GPC6: variants seen among roughly 807,000 people sequenced by gnomAD.
GPC6 encodes glypican 6, also known as glypican-6.
A neutral mutation model predicts 55.2 loss-of-function variants in GPC6; 14 were observed. The observed-to-expected ratio is 0.25, with a 90% CI of 0.17 to 0.40. The LOEUF is 0.40. Among genes scored for constraint, GPC6 ranks in the 10% least tolerant of loss-of-function variants. The pLI, the probability that GPC6 is intolerant of heterozygous loss-of-function variation, is 1.00. For synonymous variants in GPC6, 278 were observed against 259.6 expected, an observed-to-expected ratio of 1.07 and a Z score of -0.68; for missense variants, 641 against 708.5, an observed-to-expected ratio of 0.90 and a Z score of 1.08.
chr13:93,439,189 C>T (rs114020680), intron 1 of GPC6, among the ~76,000 whole-genome samples: 189 of 152,158 alleles, frequency 1.2e-3, no homozygotes, highest in African/African-American at 3.8e-3. Context: ...TTGTAATATT[C>T]GTTTTATTGC....
intron 4 of GPC6, among the ~76,000 whole-genome samples, chr13:94,175,194 G>A (rs1279397282): frequency 6.6e-6 from 1 of 152,096 alleles, no homozygotes. Flanking sequence ...ATTAGTCATT[G>A]CCTCTATTGC....
intron 1 of GPC6, among the ~76,000 whole-genome samples, chr13:93,451,814 G>T (rs1161258460): frequency 6.6e-6 from 1 of 152,162 alleles, no homozygotes; most frequent in African/African-American, 2.4e-5. Context: ...TTTATAAGCT[G>T]TGTCAGCCAC....
At chr13:94,044,607 G>A (rs1883658580) in intron 4 of GPC6, among the ~76,000 whole-genome samples, 1 of 151,834 alleles carries the variant, frequency 6.6e-6, no homozygotes, top group Admixed American at 6.6e-5. Flanking sequence ...GTGTATTTTT[G>A]TGTTGTTAAG....
intron 3 of GPC6, among the ~76,000 whole-genome samples, chr13:93,972,537 T>A (rs1169639802): frequency 6.6e-6 from 1 of 152,188 alleles, no homozygotes; most frequent in Non-Finnish European, 1.5e-5. Flanking sequence ...CATTGCTCTC[T>A]GTTGGAATCT....
chr13:93,950,861 T>TAAAAAGC (rs1879223765), intron 3 of GPC6, among the ~76,000 whole-genome samples: 1 of 152,074 alleles, frequency 6.6e-6, no homozygotes, highest in Non-Finnish European at 1.5e-5. Flanking sequence ...CCACAAGTTC[T>TAAAAAGC]AAAAAGCAAT....
At chr13:93,899,445 GAAA>G (rs796917504) in intron 3 of GPC6, among the ~76,000 whole-genome samples, 2 of 137,158 alleles carry the variant, frequency 1.5e-5, no homozygotes, top group African/African-American at 2.7e-5. Flanking sequence ...TTGGATGAAG[GAAA>G]AAAAAAAAAA....
chr13:94,175,698 T>C (rs1888723621), intron 4 of GPC6, among the ~76,000 whole-genome samples: 1 of 151,858 alleles, frequency 6.6e-6, no homozygotes, highest in South Asian at 2.1e-4. Flanking sequence ...TTAATTATTC[T>C]GCATCTGTCT....
intron 7 of GPC6, among the ~76,000 whole-genome samples, chr13:94,386,854 T>C (rs1880434822): frequency 6.6e-6 from 1 of 152,198 alleles, no homozygotes; most frequent in Non-Finnish European, 1.5e-5. Context: ...TTAATCAGGC[T>C]TGTCTTCCAT....
At chr13:93,376,172 GT>G (rs1389397842) in intron 1 of GPC6, among the ~76,000 whole-genome samples, 3 of 151,850 alleles carry the variant, frequency 2.0e-5, no homozygotes, top group Admixed American at 2.0e-4. Context: ...AAGTAGCAAG[GT>G]CAGAGGAGAC....
chr13:93,907,761 C>T (rs183675285), intron 3 of GPC6, among the ~76,000 whole-genome samples: 28 of 152,198 alleles, frequency 1.8e-4, no homozygotes, highest in Admixed American at 3.9e-4. Context: ...TACTTGCCTT[C>T]GATAATCAGC....
intron 2 of GPC6, among the ~76,000 whole-genome samples, chr13:93,722,182 A>G (rs963042860): frequency 6.6e-6 from 1 of 151,876 alleles, no homozygotes; most frequent in Admixed American, 6.6e-5. Flanking sequence ...TAATCCTTCA[A>G]TTATGGCCAT....
intron 3 of GPC6, among the ~76,000 whole-genome samples, chr13:93,984,845 A>G (rs1880954231): frequency 6.6e-6 from 1 of 152,230 alleles, no homozygotes; most frequent in Admixed American, 6.5e-5. Context: ...AATATTTTTA[A>G]TGGGAGGAAG....
At chr13:93,927,860 A>G (rs1018607127) in intron 3 of GPC6, among the ~76,000 whole-genome samples, 1 of 152,188 alleles carries the variant, frequency 6.6e-6, no homozygotes, top group Admixed American at 6.5e-5. Flanking sequence ...TCTTACCTAT[A>G]AATGAACTGT....
At chr13:93,480,399 T>C (rs1348851163) in intron 1 of GPC6, among the ~76,000 whole-genome samples, 1 of 152,188 alleles carries the variant, frequency 6.6e-6, no homozygotes, top group Non-Finnish European at 1.5e-5. Flanking sequence ...ACAGAAGTTT[T>C]GCAACAGAAT....
rs1875818158 is a variant in GPC6, at chr13:93,227,203, C to T, written c.-254C>T. Reference sequence around the variant, plus strand: ...CTCGTTTTGATTGCACCGTTTCCATCTGGGGGCTAGAGGAGCAAGGCAGCA... The same window carrying T: ...CTCGTTTTGATTGCACCGTTTCCATTTGGGGGCTAGAGGAGCAAGGCAGCA... On this transcript the variant is annotated 5_prime_UTR_variant, in exon 1 of 9. Coordinates refer to ENST00000377047, the MANE Select transcript of GPC6 (RefSeq NM_005708.5). This position sits in a 1 kb window ranked among gnomAD's most constrained non-coding sequence, Gnocchi z 4.3. 2.4e-6 allele frequency: 1 copy of T among 415,718 alleles called. No homozygotes were observed. Among genetic ancestry groups the T allele is most frequent in the Admixed American group, 4.0e-5 (1 of 24,766 alleles). The allele number at this position is 415,718 out of a possible 1,614,324, so 25.8% of individuals were successfully genotyped here. A position where few individuals can be genotyped will look rare whatever the true frequency, so the allele number is the denominator to read the frequency against.
At chr13:94,119,272 A>C (rs1247086579) in intron 4 of GPC6, among the ~76,000 whole-genome samples, 3 of 152,082 alleles carry the variant, frequency 2.0e-5, no homozygotes, top group Admixed American at 2.0e-4. Flanking sequence ...ACAATGAAGT[A>C]AAAAGTAAAA....
At chr13:93,324,461 TAGG>T (rs1444165545) in intron 1 of GPC6, among the ~76,000 whole-genome samples, 2 of 151,132 alleles carry the variant, frequency 1.3e-5, no homozygotes, top group Non-Finnish European at 2.9e-5. Context: ...GATAGATACT[TAGG>T]GGGATGGAAA....
chr13:93,439,810 C>T (rs1877721351), intron 1 of GPC6, among the ~76,000 whole-genome samples: 1 of 152,120 alleles, frequency 6.6e-6, no homozygotes, highest in Non-Finnish European at 1.5e-5. Context: ...CTTCAGATAT[C>T]TTCCTCTTCT....
intron 3 of GPC6, among the ~76,000 whole-genome samples, chr13:93,985,332 G>A (rs1880975584): frequency 6.6e-6 from 1 of 152,046 alleles, no homozygotes; most frequent in South Asian, 2.1e-4. Context: ...AGCTACTTGA[G>A]AGGCTGAGGC....
Sources: gnomAD v4.1 joint callset for allele counts (sites outside exome capture counted in the v4.1 genomes callset) on GRCh38, gnomAD v4.1.1 for gene constraint, Gnocchi (gnomAD v3.1) non-coding constraint, MANE v1.5 for transcripts, NCBI Gene and HGNC (gene_info 2026-07-23, HGNC 2026-07-21) for gene names.